ATXN1: variants seen among roughly 807,000 people sequenced by gnomAD.
ATXN1 encodes the protein ataxin-1.
A neutral mutation model predicts 56.4 loss-of-function variants in ATXN1; 8 were observed. The observed-to-expected ratio is 0.14, with a 90% CI of 0.08 to 0.26. ATXN1 has a LOEUF of 0.26. ATXN1 is among the 10% of genes least tolerant of loss of function. ATXN1 has a pLI of 1.00. For synonymous variants in ATXN1, 514 were observed against 494.6 expected, an observed-to-expected ratio of 1.04 and a Z score of -0.52; for missense variants, 987 against 1,106.5, an observed-to-expected ratio of 0.89 and a Z score of 1.53.
At chr6:16,574,332 A>C (rs1196532449) in intron 4 of ATXN1, among the ~76,000 whole-genome samples, 1 of 152,222 alleles carries the variant, frequency 6.6e-6, no homozygotes, top group Non-Finnish European at 1.5e-5. Context: ...CAGCCTCTTG[A>C]GTAGCTGGGA....
chr6:16,701,214 C>A (rs1048717122), intron 2 of ATXN1, among the ~76,000 whole-genome samples: 56 of 152,118 alleles, frequency 3.7e-4, no homozygotes, highest in Non-Finnish European at 1.2e-4. Context: ...AAAAATAAAC[C>A]ACCAATGAAT....
At chr6:16,745,786 C>CCAAATTT (rs1760512109) in intron 2 of ATXN1, among the ~76,000 whole-genome samples, 1 of 152,072 alleles carries the variant, frequency 6.6e-6, no homozygotes, top group Non-Finnish European at 1.5e-5. Flanking sequence ...TTAGTCCTTC[C>CCAAATTT]CAAATTTCAA....
intron 6 of ATXN1, among the ~76,000 whole-genome samples, chr6:16,346,541 A>G (rs1761392680): frequency 6.6e-6 from 1 of 152,226 alleles, no homozygotes; most frequent in Admixed American, 6.5e-5. Context: ...ACTTGATAAT[A>G]TCGTTCTGAC....
chr6:16,425,074 G>A (rs1470077899), intron 6 of ATXN1, among the ~76,000 whole-genome samples: 1 of 152,166 alleles, frequency 6.6e-6, no homozygotes, highest in African/African-American at 2.4e-5. Flanking sequence ...TTTGAGCTAT[G>A]GCCTTTTTTC....
intron 3 of ATXN1, among the ~76,000 whole-genome samples, chr6:16,643,160 C>T (rs1020614446): frequency 1.3e-5 from 2 of 151,498 alleles, no homozygotes; most frequent in African/African-American, 2.4e-5. Context: ...GTCCCAGCTA[C>T]TTGGGAGGCT....
At chr6:16,371,989 T>G (rs1019441102) in intron 6 of ATXN1, among the ~76,000 whole-genome samples, 23 of 152,260 alleles carry the variant, frequency 1.5e-4, no homozygotes, top group African/African-American at 5.5e-4. Flanking sequence ...GTAAAATTTC[T>G]TTATGTGTGA....
chr6:16,339,369 G>A (rs1176159838), intron 6 of ATXN1, among the ~76,000 whole-genome samples: 1 of 152,224 alleles, frequency 6.6e-6, no homozygotes, highest in Non-Finnish European at 1.5e-5. Context: ...TGGTGTGGCT[G>A]AATGAAAGCA....
In ATXN1 at chr6:16,301,491, A is replaced by C. The variant is rs553914862; in HGVS notation, c.*4838T>G. 1 of 152,764 alleles carries C rather than the reference A, an allele frequency of 6.5e-6. No individual in the cohort carries two copies. Among genetic ancestry groups the C allele is most frequent in the Non-Finnish European group, 1.5e-5 (1 of 68,038 alleles). 9.5% of individuals were successfully genotyped at this position (152,764 alleles called of 1,614,324 possible). ...AGCAGATGCATGTGCTTTATAAAAAAGTATATTCTCTGTATATTTATTACT... is the reference window on the plus strand; with the variant it reads ...AGCAGATGCATGTGCTTTATAAAAACGTATATTCTCTGTATATTTATTACT... On this transcript the variant is annotated 3_prime_UTR_variant, in exon 8 of 8. Transcript: ENST00000436367.
chr6:16,377,385 G>A (rs1297283844), intron 6 of ATXN1, among the ~76,000 whole-genome samples: 1 of 152,154 alleles, frequency 6.6e-6, no homozygotes, highest in Non-Finnish European at 1.5e-5. Flanking sequence ...CAAGTCAGCT[G>A]ATATGAGCCT....
At chr6:16,332,625 G>C (rs1418178505) in intron 6 of ATXN1, among the ~76,000 whole-genome samples, 1 of 152,182 alleles carries the variant, frequency 6.6e-6, no homozygotes, top group Non-Finnish European at 1.5e-5. Context: ...CACATATGCA[G>C]ATCGCACTGT....
intron 5 of ATXN1, among the ~76,000 whole-genome samples, chr6:16,486,621 C>T (rs1053762555): frequency 5.3e-5 from 8 of 152,138 alleles, no homozygotes; most frequent in African/African-American, 9.7e-5. Context: ...ATCAACTATC[C>T]CGGGAGCATC....
chr6:16,619,075 A>C (rs537909955), intron 3 of ATXN1, among the ~76,000 whole-genome samples: 1 of 152,330 alleles, frequency 6.6e-6, no homozygotes, highest in South Asian at 2.1e-4. Context: ...AAAGCAAATT[A>C]AAACAAGATA....
intron 7 of ATXN1, among the ~76,000 whole-genome samples, chr6:16,321,984 G>T (rs1760664571): frequency 6.6e-6 from 1 of 152,214 alleles, no homozygotes; most frequent in South Asian, 2.1e-4. Flanking sequence ...CATTTTGGGA[G>T]ACCGAGGTGG....
intron 2 of ATXN1, among the ~76,000 whole-genome samples, chr6:16,746,812 G>A (rs2113522648): frequency 6.6e-6 from 1 of 152,034 alleles, no homozygotes; most frequent in African/African-American, 2.4e-5. Context: ...AATGATGTTT[G>A]ACAGAAGCAA....
chr6:16,714,181 C>A (rs1352153510), intron 2 of ATXN1, among the ~76,000 whole-genome samples: 2 of 137,628 alleles, frequency 1.5e-5, no homozygotes, highest in Non-Finnish European at 3.1e-5. Context: ...AAACCACACA[C>A]CACACACACA....
intron 6 of ATXN1, among the ~76,000 whole-genome samples, chr6:16,444,849 C>T (rs1759600703): frequency 6.6e-6 from 1 of 152,156 alleles, no homozygotes; most frequent in African/African-American, 2.4e-5. Flanking sequence ...AACACAACAC[C>T]AACTATGAAG....
intron 6 of ATXN1, among the ~76,000 whole-genome samples, chr6:16,426,262 G>A (rs970407678): frequency 1.7e-5 from 2 of 119,504 alleles, no homozygotes; most frequent in African/African-American, 6.4e-5. Context: ...ACAAAAGGAG[G>A]AGAGGGCTGG....
At chr6:16,667,110 C>T (rs1204029360) in intron 2 of ATXN1, 2 of 152,160 alleles carry the variant, frequency 1.3e-5, no homozygotes, top group Non-Finnish European at 2.9e-5. Flanking sequence ...GCCCTAGAAC[C>T]ATCCTAGGCA....
At chr6:16,357,318 G>GAC (rs1321425617) in intron 6 of ATXN1, among the ~76,000 whole-genome samples, 12 of 150,428 alleles carry the variant, frequency 8.0e-5, no homozygotes, top group Admixed American at 1.3e-4. Context: ...CACCCAGGCT[G>GAC]GAGTGCAGTG....
Sources: allele counts gnomAD v4.1 joint callset (sites outside exome capture counted in the v4.1 genomes callset), GRCh38; gene constraint gnomAD v4.1.1; transcripts MANE v1.5; gene names NCBI Gene and HGNC (gene_info 2026-07-23, HGNC 2026-07-21).